The following SORCS2 variants were observed in gnomAD, a reference collection of about 807,000 sequenced individuals.
SORCS2 encodes the protein VPS10 domain-containing receptor SorCS2.
In SORCS2, 100 loss-of-function variants were observed where a neutral mutation model predicts 141.6. The ratio of observed to expected loss-of-function variants is 0.71; its 90% CI spans 0.60 to 0.83. The LOEUF is 0.83. Among genes scored for constraint, SORCS2 ranks in the 40% least tolerant of loss-of-function variants. The pLI, the probability that SORCS2 is intolerant of heterozygous loss-of-function variation, is 0.00. For missense variants in SORCS2, 1,646 were observed against 1,560.2 expected (o/e 1.05, Z -0.93); for synonymous variants, 789 against 676.9 (o/e 1.17, Z -2.57).
chr4:7,192,638 C>T lies in SORCS2; in HGVS notation c.-9C>T, dbSNP rs1324498224. Reference sequence around the variant, plus strand: ...CCCGCCGCCGGCTCCGCTGCCGCCCCTGGCGACCATGGCGCACCGGGGGCC... The same window carrying T: ...CCCGCCGCCGGCTCCGCTGCCGCCCTTGGCGACCATGGCGCACCGGGGGCC... On this transcript the variant is annotated 5_prime_UTR_variant, in exon 1 of 27. Transcript: ENST00000507866. The surrounding 1 kb of genome is among the most constrained non-coding windows in gnomAD (Gnocchi z 4.0). 48 of 987,462 alleles carry T rather than the reference C, an allele frequency of 4.9e-5. No homozygotes were observed. The highest frequency in any genetic ancestry group is 5.6e-5 in the Non-Finnish European group (47 of 832,374). The allele number at this position is 987,462 out of a possible 1,614,324, so 61.2% of individuals were successfully genotyped here.
At chr4:7,583,724 C>T (rs1716336341) in intron 3 of SORCS2, among the ~76,000 whole-genome samples, 2 of 152,224 alleles carry the variant, frequency 1.3e-5, no homozygotes, top group Admixed American at 6.5e-5. Flanking sequence ...GCTTCCCCAG[C>T]CACATGGAAC....
In SORCS2 at chr4:7,718,117, C is replaced by T. The variant is rs1279583125; in HGVS notation, c.2358C>T (p.Ser786=). ...CGCCGCCCCGGGGCCTGCAGGTCAG[C>T]ATTCAAGGCGAGGCGGTGGCCGTGC... The part of the protein sequence containing the change: ...PLTPPRGLQV[S]IQGEAVAVRP... The change falls in exon 18 of 27, where the codon AGC becomes AGT. Residue 786 remains serine, a synonymous_variant. Transcript: ENST00000507866. 6.2e-7 allele frequency: 1 copy of T among 1,612,208 alleles called. No homozygotes were observed. Among genetic ancestry groups the T allele is most frequent in the Non-Finnish European group, 8.5e-7 (1 of 1,179,304 alleles).
intron 1 of SORCS2, among the ~76,000 whole-genome samples, chr4:7,276,421 C>G (rs1715506168): frequency 6.6e-6 from 1 of 152,160 alleles, no homozygotes; most frequent in Non-Finnish European, 1.5e-5. Flanking sequence ...CTTCCACTCG[C>G]TGGAACGGGC....
At chr4:7,602,471 C>G (rs1322576897) in intron 3 of SORCS2, among the ~76,000 whole-genome samples, 4 of 151,214 alleles carry the variant, frequency 2.6e-5, no homozygotes, top group Non-Finnish European at 5.9e-5. Context: ...TCCTCACATC[C>G]CAGACGGGGC....
intron 4 of SORCS2, among the ~76,000 whole-genome samples, chr4:7,642,050 G>A (rs1285680902): frequency 6.6e-6 from 1 of 152,232 alleles, no homozygotes; most frequent in African/African-American, 2.4e-5. Context: ...GGTGGTGGAT[G>A]GATGGGGATG....
chr4:7,377,170 C>T (rs1722708815), intron 1 of SORCS2, among the ~76,000 whole-genome samples: 1 of 151,510 alleles, frequency 6.6e-6, no homozygotes. Context: ...CATTGTTTGT[C>T]TTTTTTTTTC....
chr4:7,473,878 A>G (rs1730131737), intron 2 of SORCS2, among the ~76,000 whole-genome samples: 1 of 152,172 alleles, frequency 6.6e-6, no homozygotes, highest in Admixed American at 6.5e-5. Context: ...CCCCATGCCC[A>G]CTTCACCTCC....
chr4:7,414,913 T>C (rs2109166611), intron 2 of SORCS2, among the ~76,000 whole-genome samples: 1 of 152,226 alleles, frequency 6.6e-6, no homozygotes, highest in East Asian at 1.9e-4. Flanking sequence ...CCAGGCCAAC[T>C]CCTCACAAAA....
intron 21 of SORCS2, 120 bp downstream of exon 21, chr4:7,727,023 G>T (rs1727267666): frequency 2.4e-6 from 3 of 1,273,124 alleles, no homozygotes; most frequent in South Asian, 3.1e-5. Context: ...GCCCTGGGGT[G>T]GGGAGGGAGG....
chr4:7,354,773 G>A (rs1054018945), intron 1 of SORCS2, among the ~76,000 whole-genome samples: 10 of 152,190 alleles, frequency 6.6e-5, no homozygotes, highest in Non-Finnish European at 1.2e-4. Context: ...CCCACAGCAC[G>A]AGGAGCCCTG....
intron 20 of SORCS2, 36 bp downstream of exon 20, chr4:7,725,323 C>G (rs768232435): frequency 1.3e-6 from 2 of 1,596,108 alleles, no homozygotes; most frequent in East Asian, 2.3e-5. Context: ...CCCTTCTTCC[C>G]GCAGGCTCCC....
At chr4:7,208,518 T>C (rs1727874044) in intron 1 of SORCS2, among the ~76,000 whole-genome samples, 1 of 152,182 alleles carries the variant, frequency 6.6e-6, no homozygotes, top group African/African-American at 2.4e-5. Context: ...GACTAGTGAA[T>C]GATTCCCTTT....
chr4:7,300,243 A>G (rs1039897852), intron 1 of SORCS2, among the ~76,000 whole-genome samples: 10 of 151,324 alleles, frequency 6.6e-5, no homozygotes, highest in African/African-American at 2.2e-4. Flanking sequence ...CAGGAGTGAG[A>G]GGTCTGGAGG....
intron 3 of SORCS2, among the ~76,000 whole-genome samples, chr4:7,629,190 C>T (rs1719713764): frequency 6.6e-6 from 1 of 152,092 alleles, no homozygotes; most frequent in South Asian, 2.1e-4. Context: ...TATACACATA[C>T]ATATATCAAA....
intron 10 of SORCS2, among the ~76,000 whole-genome samples, chr4:7,687,968 T>C (rs1472268810): frequency 6.6e-6 from 1 of 152,224 alleles, no homozygotes; most frequent in Non-Finnish European, 1.5e-5. Context: ...GGGTGAATCG[T>C]ACAACATGTA....
At chr4:7,305,046 T>TC (rs71646696) in intron 1 of SORCS2, among the ~76,000 whole-genome samples, 9 of 151,030 alleles carry the variant, frequency 6.0e-5, no homozygotes, top group South Asian at 2.1e-4. Context: ...TTTTTTTTTT[T>TC]TTTTGAGACA....
intron 3 of SORCS2, among the ~76,000 whole-genome samples, chr4:7,637,554 C>T (rs1038822956): frequency 4.7e-4 from 68 of 146,194 alleles, no homozygotes; most frequent in Non-Finnish European, 8.8e-4. Flanking sequence ...GTGCCCAGAA[C>T]AGTGCCCAGA....
At chr4:7,311,332 G>T (rs904233131) in intron 1 of SORCS2, among the ~76,000 whole-genome samples, 3 of 152,102 alleles carry the variant, frequency 2.0e-5, no homozygotes, top group African/African-American at 7.2e-5. Flanking sequence ...TGGCTGTCTG[G>T]GATGTTTCTA....
chr4:7,665,118 A>G (rs764824223), intron 7 of SORCS2, among the ~76,000 whole-genome samples: 6 of 152,094 alleles, frequency 3.9e-5, no homozygotes, highest in African/African-American at 7.2e-5. Flanking sequence ...ACCCTGTAAA[A>G]CAAATCCAAA....
Sources: gnomAD v4.1 joint callset for allele counts (sites outside exome capture counted in the v4.1 genomes callset) on GRCh38, gnomAD v4.1.1 for gene constraint, Gnocchi (gnomAD v3.1) non-coding constraint, MANE v1.5 for transcripts, NCBI Gene and HGNC (gene_info 2026-07-23, HGNC 2026-07-21) for gene names.